The following TEX35 variants were observed in gnomAD, a reference collection of about 807,000 sequenced individuals.
TEX35 encodes the protein testis expressed 35.
A neutral mutation model predicts 31.9 loss-of-function variants in TEX35; 26 were observed. The observed-to-expected ratio is 0.81, with a 90% CI of 0.60 to 1.13. The LOEUF (loss-of-function observed/expected upper bound fraction) is 1.13, where lower values mean the gene tolerates loss of function less well. Ranked by LOEUF, TEX35 falls within the 50% of genes most tolerant of loss-of-function variation. The pLI is 0.00. For synonymous variants in TEX35, 87 were observed against 90.7 expected, an observed-to-expected ratio of 0.96 and a Z score of 0.23; for missense variants, 278 against 273.5, an observed-to-expected ratio of 1.02 and a Z score of -0.12.
intron 1 of TEX35, 62 bp downstream of exon 1, chr1:178,513,289 G>T: frequency 6.3e-7 from 1 of 1,599,260 alleles, no homozygotes. Flanking sequence ...AATGGAGATG[G>T]TGTCGGGGCA....
chr1:178,518,466 A>T (rs1650156896), intron 5 of TEX35, among the ~76,000 whole-genome samples: 1 of 152,168 alleles, frequency 6.6e-6, no homozygotes, highest in Admixed American at 6.5e-5. Context: ...TCAATTTTCA[A>T]CAGTAGGGGA....
In TEX35 at chr1:178,515,574, A is replaced by G. The variant is rs545650495; in HGVS notation, c.160-285A>G. 4.6e-5 allele frequency among the ~76,000 whole-genome samples: 7 copies of G among 151,682 alleles called. 1 individual carries two copies. The South Asian group carries it at 1.5e-3, about 32-fold the overall frequency. The stretch of plus-strand genomic sequence containing the variant: ...AGTCTTTTTAAAACATTAATTAATT[A>G]ATTAATTTTGAGATGGGGGTGGGGG... On this transcript the variant is annotated intron_variant, in intron 3 of 8. Transcript: ENST00000319416.
chr1:178,521,028 C>A, intron 7 of TEX35, 154 bp downstream of exon 7: 1 of 1,540,172 alleles, frequency 6.5e-7, no homozygotes, highest in Admixed American at 2.0e-5. Context: ...CCTCCCTGAC[C>A]TGCCTTGCCT....
Position 178,521,764 on chromosome 1 carries a change from C to G in TEX35, c.586+500C>G, listed in dbSNP as rs1239457041. 8.4e-6 allele frequency: 13 copies of G among 1,551,492 alleles called. No homozygotes were observed. The East Asian group carries it at 3.2e-4, about 38-fold the overall frequency. On this transcript the variant is annotated intron_variant, in intron 8 of 8. Transcript: ENST00000319416. ...GCTTCTTGTCCTGTTAAATACCACC[C>G]CAACCCCAGGCCTCCACTGGAGATT... is the stretch of plus-strand genomic sequence containing the variant.
intron 8 of TEX35, 57 bp from the exon 9 acceptor site, chr1:178,522,268 G>A: frequency 6.6e-7 from 1 of 1,517,166 alleles, no homozygotes; most frequent in South Asian, 1.3e-5. Context: ...TTGGGTTCTG[G>A]GGATCCACCC....
intron 8 of TEX35, 43 bp downstream of exon 8, chr1:178,521,307 C>A: frequency 6.2e-7 from 1 of 1,608,752 alleles, no homozygotes; most frequent in Non-Finnish European, 8.5e-7. Context: ...CGATCAGGTG[C>A]CTTGTTGTCC....
At chr1:178,516,326 G>A (rs887067413) in intron 4 of TEX35, among the ~76,000 whole-genome samples, 10 of 152,220 alleles carry the variant, frequency 6.6e-5, no homozygotes, top group African/African-American at 1.9e-4. Context: ...GGAAAAAAGC[G>A]AATAATCGAG....
chr1:178,521,865 A>G (rs1650298367), intron 8 of TEX35: 2 of 1,480,128 alleles, frequency 1.4e-6, no homozygotes, highest in African/African-American at 2.8e-5. Flanking sequence ...GTGGAGGTTG[A>G]TTATTTTTGG....
chr1:178,518,986 A>T (rs1008778907), intron 5 of TEX35, among the ~76,000 whole-genome samples: 2 of 152,162 alleles, frequency 1.3e-5, no homozygotes, highest in African/African-American at 4.8e-5. Flanking sequence ...GTAGGTAATG[A>T]TGGCTTTTGA....
chr1:178,513,845 G>C (rs1210323605), intron 1 of TEX35, among the ~76,000 whole-genome samples, 182 bp from the exon 2 acceptor site: 2 of 152,234 alleles, frequency 1.3e-5, no homozygotes, highest in Non-Finnish European at 2.9e-5. Context: ...ACGACAAGAT[G>C]TGATTTGTTA....
chr1:178,519,435 C>T (rs756507298), intron 5 of TEX35, among the ~76,000 whole-genome samples: 14 of 152,186 alleles, frequency 9.2e-5, no homozygotes, highest in East Asian at 1.9e-4. Flanking sequence ...GTTGGTGAAA[C>T]GTGTAAGAAT....
intron 1 of TEX35, 127 bp downstream of exon 1, chr1:178,513,354 C>A: frequency 8.1e-7 from 1 of 1,240,530 alleles, no homozygotes; most frequent in Non-Finnish European, 1.2e-6. Flanking sequence ...CTGTACTGAG[C>A]ATAAAGCAGC....
intron 8 of TEX35, chr1:178,521,980 C>T (rs1650301553): frequency 1.2e-6 from 1 of 855,752 alleles, no homozygotes. Flanking sequence ...CCACCACCTC[C>T]CTCCATTCCA....
In TEX35 at chr1:178,522,492, G is replaced by A; in HGVS notation, c.*52G>A. 2.6e-6 allele frequency: 4 copies of A among 1,530,294 alleles called. No individual in the cohort carries two copies. Among genetic ancestry groups the A allele is most frequent in the Non-Finnish European group, 3.5e-6 (4 of 1,131,430 alleles). The allele number at this position is 1,530,294 out of a possible 1,614,324, so 94.8% of individuals were successfully genotyped here. On this transcript the variant is annotated 3_prime_UTR_variant, in exon 9 of 9. Transcript: ENST00000319416. ...GTAAAGAAGATACAGAGCAAACAGT[G>A]TTTCAGAAACTGTCCTGCCCTGGGT...
chr1:178,520,994 T>G, intron 7 of TEX35, 120 bp downstream of exon 7: 1 of 1,547,956 alleles, frequency 6.5e-7, no homozygotes, highest in Non-Finnish European at 8.7e-7. Flanking sequence ...GCTGCTGACT[T>G]CTGGGTGCCG....
At chr1:178,522,251 A>G (rs1650312564) in intron 8 of TEX35, 74 bp from the exon 9 acceptor site, 4 of 1,495,534 alleles carry the variant, frequency 2.7e-6, no homozygotes, top group Non-Finnish European at 2.7e-6. Context: ...GGAACTGGGT[A>G]GCTTTCTTGG....
intron 5 of TEX35, among the ~76,000 whole-genome samples, chr1:178,517,006 T>A (rs1369040927): frequency 6.6e-6 from 1 of 152,196 alleles, no homozygotes; most frequent in Non-Finnish European, 1.5e-5. Flanking sequence ...ACTAGGATGA[T>A]CTAGATTCTA....
At chr1:178,514,574 C>T in intron 2 of TEX35, 126 bp from the exon 3 acceptor site, 1 of 890,624 alleles carries the variant, frequency 1.1e-6, no homozygotes. Flanking sequence ...ACAGGTGGGG[C>T]CACCAGCTTT....
At chr1:178,522,020 C>G in intron 8 of TEX35, 2 of 695,404 alleles carry the variant, frequency 2.9e-6, no homozygotes, top group South Asian at 4.0e-5. Flanking sequence ...CAGGTCATAG[C>G]ATGGGGAGGG....
Sources: allele counts gnomAD v4.1 joint callset (sites outside exome capture counted in the v4.1 genomes callset), GRCh38; gene constraint gnomAD v4.1.1; transcripts MANE v1.5; gene names NCBI Gene and HGNC (gene_info 2026-07-23, HGNC 2026-07-21).